The following SYN1 variants were observed in gnomAD, a reference collection of about 807,000 sequenced individuals.
SYN1 encodes the protein synapsin I.
Under a neutral mutation model 44.6 loss-of-function variants are expected in SYN1, and 8 were observed. The ratio of observed to expected loss-of-function variants is 0.18; its 90% CI spans 0.11 to 0.32. SYN1 has a LOEUF of 0.32. Among genes scored for constraint, SYN1 ranks in the 10% least tolerant of loss-of-function variants. The pLI is 1.00. For synonymous variants in SYN1, 275 were observed against 280.1 expected, an observed-to-expected ratio of 0.98 and a Z score of 0.18; for missense variants, 451 against 639.4, an observed-to-expected ratio of 0.71 and a Z score of 3.18.
chrX:47,602,381 C>T (rs1020857587), intron 5 of SYN1, among the ~76,000 whole-genome samples: 3 of 112,011 alleles, frequency 2.7e-5, no homozygotes, highest in Non-Finnish European at 5.6e-5. Context: ...TGATTCAAGC[C>T]GGGCATGGTG....
At position 47,576,102 on chromosome X, in the gene SYN1, C is replaced by G. The variant is rs183103782; in HGVS notation, c.1158+29G>C. On this transcript the variant is annotated intron_variant, in intron 9 of 12. Transcript: ENST00000295987. The stretch of plus-strand genomic sequence containing the variant: ...TGCTGCCTGGCATCTGTTCCTCCCT[C>G]TACCCCACCTACCCCTGGGTGCTCA... 80 of 1,166,427 alleles carry G rather than the reference C, an allele frequency of 6.9e-5. No individual in the cohort carries two copies. The African/African-American group carries it at 1.2e-3, about 18-fold the overall frequency.
At chrX:47,585,183 A>G in intron 5 of SYN1, 1 of 1,171,613 alleles carries the variant, frequency 8.5e-7, no homozygotes, top group East Asian at 3.0e-5. Flanking sequence ...TAAAAGAGAC[A>G]CTTCCCCTCA....
chrX:47,619,777 GCGGGGGCGGA>G lies in SYN1; in HGVS notation c.-59_-50del. 1.8e-6 allele frequency: 2 copies of G among 1,135,595 alleles called. No individual in the cohort carries two copies. The highest frequency in any genetic ancestry group is 2.3e-6 in the Non-Finnish European group (2 of 851,686). 93.6% of individuals were successfully genotyped at this position (1,135,595 alleles called of 1,213,427 possible). On this transcript the variant is annotated 5_prime_UTR_variant, in exon 1 of 13. Transcript: ENST00000295987. ...CCTAGGGGTGGTCTGGCCAGGAGCC[GCGGGGGCGGA>G]CTGCGCGGTGCCCAGGAGCACAGCT...
At chrX:47,596,931 T>G (rs1390154998) in intron 5 of SYN1, among the ~76,000 whole-genome samples, 1 of 112,366 alleles carries the variant, frequency 8.9e-6, no homozygotes, top group African/African-American at 3.2e-5. Context: ...AATCAGTGAT[T>G]TTTAATATTT....
Position 47,571,917 on chromosome X carries a change from GTTTAT to G in SYN1, c.*942_*946del, listed in dbSNP as rs2057760629. Reference sequence around the variant, plus strand: ...ACAGAATTCTGCTGGGCCTTTGCTTGTTTATTTTGTTTCCCGACTCTTCTCTTGGG... The same window carrying G: ...ACAGAATTCTGCTGGGCCTTTGCTTGTTTGTTTCCCGACTCTTCTCTTGGG... On this transcript the variant is annotated 3_prime_UTR_variant, in exon 13 of 13. Transcript: ENST00000295987. 2 of 176,335 alleles carry G rather than the reference GTTTAT, an allele frequency of 1.1e-5. No individual in the cohort carries two copies. Among genetic ancestry groups the G allele is most frequent in the Non-Finnish European group, 2.1e-5 (2 of 93,468 alleles). 14.5% of individuals were successfully genotyped at this position (176,335 alleles called of 1,213,427 possible). A position where few individuals can be genotyped will look rare whatever the true frequency, so the allele number is the denominator to read the frequency against.
At chrX:47,589,224 G>A (rs2057838488) in intron 5 of SYN1, among the ~76,000 whole-genome samples, 2 of 106,726 alleles carry the variant, frequency 1.9e-5, no homozygotes, top group South Asian at 8.5e-4. Context: ...TTGAACCCAG[G>A]AGGCGGAAGT....
rs1278522265 is a variant in SYN1 at position 47,573,852 on chromosome X, G to C, written c.1982+150C>G. On this transcript the variant is annotated intron_variant, in intron 12 of 12. Coordinates refer to ENST00000295987, the MANE Select transcript of SYN1 (RefSeq NM_006950.3). ...GGTGGGCCGGGAGGAGCGAAAGCTT[G>C]GGGGAAGGGCTTGGCTCAGGCTGGA... 3 of 485,926 alleles carry C rather than the reference G, an allele frequency of 6.2e-6. No individual in the cohort carries two copies. In the African/African-American group the frequency reaches 7.6e-5, roughly 12 times the overall value. 40.0% of individuals were successfully genotyped at this position (485,926 alleles called of 1,213,427 possible). A position where few individuals can be genotyped will look rare whatever the true frequency, so the allele number is the denominator to read the frequency against.
At chrX:47,577,179 A>G (rs112354644) in intron 6 of SYN1, among the ~76,000 whole-genome samples, 2,316 of 111,225 alleles carry the variant, frequency 0.021, 46 homozygotes, top group African/African-American at 0.069. Flanking sequence ...GGAGACAAGC[A>G]AAATAACAGG....
At chrX:47,593,642 T>C (rs781112971) in intron 5 of SYN1, among the ~76,000 whole-genome samples, 7 of 112,088 alleles carry the variant, frequency 6.2e-5, no homozygotes, top group African/African-American at 2.3e-4. Flanking sequence ...TCATTTTCCA[T>C]TCTGTGGAAC....
intron 5 of SYN1, among the ~76,000 whole-genome samples, chrX:47,604,430 T>G (rs2057890079): frequency 9.1e-6 from 1 of 109,982 alleles, no homozygotes; most frequent in African/African-American, 3.3e-5. Flanking sequence ...TTTTTGTATT[T>G]TTAGTAGAGA....
intron 5 of SYN1, among the ~76,000 whole-genome samples, chrX:47,584,443 G>T (rs1321606336): frequency 8.9e-6 from 1 of 111,888 alleles, no homozygotes; most frequent in Non-Finnish European, 1.9e-5. Flanking sequence ...GCACAGATGG[G>T]CCTAGGAGGA....
intron 5 of SYN1, chrX:47,583,313 C>T (rs1273807747): frequency 3.9e-6 from 3 of 774,096 alleles, no homozygotes; most frequent in East Asian, 3.4e-5. Context: ...CTAATCCCCC[C>T]CATAGGCTGC....
At chrX:47,606,751 A>ATTTTTTT (rs4066713) in intron 3 of SYN1, among the ~76,000 whole-genome samples, 194 bp downstream of exon 3, 16 of 93,243 alleles carry the variant, frequency 1.7e-4, no homozygotes, top group African/African-American at 6.0e-4. Context: ...ATATATATAT[A>ATTTTTTT]TTTTTTTTTA....
At position 47,571,955 on chromosome X, in the gene SYN1, G is replaced by A. The variant is rs2057760808; in HGVS notation, c.*909C>T. On this transcript the variant is annotated 3_prime_UTR_variant, in exon 13 of 13. Transcript: ENST00000295987. ...CCCGACTCTTCTCTTGGGGTTCAGA[G>A]CCGCTGAGGGGTGGGGTGAGTCCAG... 6.3e-6 allele frequency: 1 copy of A among 159,497 alleles called. No homozygotes were observed. Among genetic ancestry groups the A allele is most frequent in the Non-Finnish European group, 1.2e-5 (1 of 83,529 alleles). 13.1% of individuals were successfully genotyped at this position (159,497 alleles called of 1,213,427 possible).
intron 1 of SYN1, among the ~76,000 whole-genome samples, chrX:47,611,084 A>G (rs149286865): frequency 0.024 from 2,701 of 111,310 alleles, 86 homozygotes; most frequent in African/African-American, 0.085. Context: ...CGTAATTGCA[A>G]TGGCATACTT....
chrX:47,577,956 T>C (rs1252446470), intron 5 of SYN1, among the ~76,000 whole-genome samples: 2 of 109,928 alleles, frequency 1.8e-5, no homozygotes, highest in African/African-American at 6.7e-5. Flanking sequence ...CCTGCACACA[T>C]AAACTATTGA....
intron 6 of SYN1, 122 bp downstream of exon 6, chrX:47,577,317 C>T (rs751012233): frequency 4.3e-4 from 328 of 759,891 alleles, no homozygotes; most frequent in Non-Finnish European, 6.2e-4. Context: ...TGGCAAAACC[C>T]GCAATTACTT....
chrX:47,573,141 C>T, intron 12 of SYN1, 142 bp from the exon 13 acceptor site: 1 of 787,810 alleles, frequency 1.3e-6, no homozygotes, highest in Non-Finnish European at 1.9e-6. Flanking sequence ...CCCCACCTGC[C>T]ACCATGGGCC....
chrX:47,579,849 G>GCCC (rs140381513), intron 5 of SYN1, among the ~76,000 whole-genome samples: 12 of 83,162 alleles, frequency 1.4e-4, no homozygotes, highest in Non-Finnish European at 2.1e-4. Context: ...TGTTTTTGTC[G>GCCC]CCCCCCCACC....
Sources: allele counts gnomAD v4.1 joint callset (sites outside exome capture counted in the v4.1 genomes callset), GRCh38; gene constraint gnomAD v4.1.1; transcripts MANE v1.5; gene names NCBI Gene and HGNC (gene_info 2026-07-23, HGNC 2026-07-21).